The following TNR variants were observed in gnomAD, a reference collection of about 807,000 sequenced individuals.
TNR encodes the protein tenascin-R.
Under a neutral mutation model 150.4 loss-of-function variants are expected in TNR, and 45 were observed. The ratio of observed to expected loss-of-function variants is 0.30; its 90% CI spans 0.24 to 0.38. The LOEUF (loss-of-function observed/expected upper bound fraction) is 0.38. TNR is among the 10% of genes least tolerant of loss of function. The pLI is 1.00. For missense variants in TNR, 1,544 were observed against 1,759.1 expected (o/e 0.88, Z 2.19); for synonymous variants, 687 against 678.4 (o/e 1.01, Z -0.20).
intron 1 of TNR, among the ~76,000 whole-genome samples, chr1:175,605,685 T>C (rs896819311): frequency 2.6e-5 from 4 of 152,246 alleles, no homozygotes; most frequent in African/African-American, 4.8e-5. Flanking sequence ...ACTTGCATTA[T>C]TTTTTCTCCT....
chr1:175,429,727 G>T (rs537045586), intron 2 of TNR, among the ~76,000 whole-genome samples: 29 of 152,274 alleles, frequency 1.9e-4, no homozygotes, highest in African/African-American at 7.0e-4. Flanking sequence ...ACTGGGTAGG[G>T]TCTAGAATAT....
chr1:175,610,287 C>T (rs913407286), intron 1 of TNR, among the ~76,000 whole-genome samples: 7 of 152,196 alleles, frequency 4.6e-5, no homozygotes, highest in Admixed American at 1.3e-4. Context: ...TGGCTTACTA[C>T]GAAGAACCAC....
At chr1:175,335,645 A>C in intron 20 of TNR, 66 bp downstream of exon 20, 2 of 1,489,580 alleles carry the variant, frequency 1.3e-6, no homozygotes, top group Non-Finnish European at 1.8e-6. Context: ...AGATGGACAC[A>C]AAAAGGAGAG....
In TNR at chr1:175,354,425, C is replaced by T. The variant is rs201198032; in HGVS notation, c.3348G>A (p.Thr1116=). 25 of 1,614,110 alleles carry T rather than the reference C, an allele frequency of 1.5e-5. No homozygotes were observed. Among genetic ancestry groups the T allele is most frequent in the South Asian group, 4.4e-5 (4 of 91,082 alleles). Residue 1116 remains threonine, a synonymous_variant, in exon 18 of 23, where the codon ACG becomes ACA. Coordinates refer to ENST00000367674, the MANE Select transcript of TNR (RefSeq NM_003285.3). ...AAGCGGTGGAGGTGATGCTGCTCCA[C>T]GTGGTGTCCTGTGCTGCCTGCAGGA... ...TVLLQAAQDT[T]WSSITSTAFT...
intron 19 of TNR, 144 bp downstream of exon 19, chr1:175,337,384 G>T: frequency 2.2e-6 from 2 of 900,562 alleles, no homozygotes; most frequent in Non-Finnish European, 3.4e-6. Flanking sequence ...GGCCTTGAGG[G>T]CAATGAGGAG....
chr1:175,398,677 C>A (rs1653555090), intron 4 of TNR, among the ~76,000 whole-genome samples: 2 of 152,178 alleles, frequency 1.3e-5, no homozygotes, highest in Non-Finnish European at 1.5e-5. Flanking sequence ...TTATTACTAC[C>A]ATTTTATAGA....
At chr1:175,373,883 T>C (rs551658458) in intron 9 of TNR, among the ~76,000 whole-genome samples, 139 of 152,312 alleles carry the variant, frequency 9.1e-4, no homozygotes, top group African/African-American at 3.3e-3. Flanking sequence ...GCCTTTGTCC[T>C]TTCTTTCCTC....
chr1:175,423,933 G>T (rs144937606), intron 2 of TNR, among the ~76,000 whole-genome samples: 1 of 152,258 alleles, frequency 6.6e-6, no homozygotes, highest in East Asian at 1.9e-4. Flanking sequence ...CCAGCCAAAA[G>T]CTATGGGCCT....
intron 2 of TNR, among the ~76,000 whole-genome samples, chr1:175,434,635 G>T (rs755426450): frequency 6.6e-6 from 1 of 152,096 alleles, no homozygotes; most frequent in African/African-American, 2.4e-5. Flanking sequence ...AGTGGTCTAC[G>T]ATATGACTCT....
chr1:175,727,194 A>G (rs41533049), intron 1 of TNR, among the ~76,000 whole-genome samples: 43,405 of 152,148 alleles, frequency 0.29, 6,312 homozygotes, highest in African/African-American at 0.35. Context: ...ATCTTTTTAG[A>G]AGGTACACAT....
intron 7 of TNR, among the ~76,000 whole-genome samples, chr1:175,389,864 T>C (rs1653095315): frequency 6.6e-6 from 1 of 152,210 alleles, no homozygotes; most frequent in Non-Finnish European, 1.5e-5. Context: ...CAGAGCACTG[T>C]AGCTTTTATG....
chr1:175,449,290 G>A (rs906605665), intron 2 of TNR, among the ~76,000 whole-genome samples: 1 of 152,154 alleles, frequency 6.6e-6, no homozygotes, highest in Admixed American at 6.5e-5. Context: ...ATGCATGCAT[G>A]TGCACACACA....
At chr1:175,506,196 C>T (rs1042452961) in intron 2 of TNR, among the ~76,000 whole-genome samples, 8 of 152,208 alleles carry the variant, frequency 5.3e-5, no homozygotes, top group Non-Finnish European at 1.0e-4. Flanking sequence ...ATAGAAGCCT[C>T]CTTCAACTTT....
At chr1:175,352,856 T>A (rs1053066702) in intron 18 of TNR, among the ~76,000 whole-genome samples, 2 of 152,196 alleles carry the variant, frequency 1.3e-5, no homozygotes, top group African/African-American at 2.4e-5. Context: ...TTTTGTCATA[T>A]CTGATCAGTG....
Position 175,365,200 on chromosome 1 carries a change from G to T in TNR, c.2397C>A (p.Pro799=), listed in dbSNP as rs758676858. ...SVNITWSDPS[P]PADRLILNYS... Reference sequence around the variant, plus strand: ...AGTTAAGAATGAGTCTGTCTGCTGGGGGAGATGGATCACTCCAAGTGATGT... The same window carrying T: ...AGTTAAGAATGAGTCTGTCTGCTGGTGGAGATGGATCACTCCAAGTGATGT... The change falls in exon 12 of 23, where the codon CCC becomes CCA. Residue 799 remains proline, a synonymous_variant. Coordinates refer to ENST00000367674, the MANE Select transcript of TNR (RefSeq NM_003285.3). 3 of 1,614,110 alleles carry T rather than the reference G, an allele frequency of 1.9e-6. No individual in the cohort carries two copies. Among genetic ancestry groups the T allele is most frequent in the Non-Finnish European group, 2.5e-6 (3 of 1,180,000 alleles).
chr1:175,418,186 T>C (rs761424156), intron 2 of TNR, among the ~76,000 whole-genome samples: 2 of 152,068 alleles, frequency 1.3e-5, no homozygotes, highest in Non-Finnish European at 2.9e-5. Flanking sequence ...TTCTAGATGT[T>C]GAGGTCAGGA....
intron 1 of TNR, among the ~76,000 whole-genome samples, chr1:175,696,669 C>T (rs60012908): frequency 0.034 from 5,238 of 152,122 alleles, 121 homozygotes; most frequent in Middle Eastern, 0.051. Context: ...CACCTGTGGT[C>T]GGGAGTTTGA....
intron 1 of TNR, among the ~76,000 whole-genome samples, chr1:175,736,520 C>CA (rs1057090593): frequency 6.4e-4 from 91 of 142,686 alleles, no homozygotes; most frequent in East Asian, 4.2e-3. Flanking sequence ...GACTCTATCT[C>CA]AAAAAAAAAA....
At position 175,695,260 on chromosome 1, in the gene TNR, A is replaced by T. The variant is rs533440841; in HGVS notation, c.-165+47966T>A. Among the ~76,000 whole-genome samples the T allele has an allele frequency of 2.6e-5, 4 of 152,342 alleles. No individual in the cohort carries two copies. The South Asian group carries it at 6.2e-4, about 24-fold the overall frequency. On this transcript the variant is annotated intron_variant, in intron 1 of 22. Coordinates refer to ENST00000367674, the MANE Select transcript of TNR (RefSeq NM_003285.3). The stretch of plus-strand genomic sequence containing the variant: ...TCAAGGGGCCCAGTGGAGAGTCCAC[A>T]TGGTGAGGACTGAAGCCTCCTGCCC...
Sources: gnomAD v4.1 joint callset for allele counts (sites outside exome capture counted in the v4.1 genomes callset) on GRCh38, gnomAD v4.1.1 for gene constraint, MANE v1.5 for transcripts, NCBI Gene and HGNC (gene_info 2026-07-23, HGNC 2026-07-21) for gene names.